AUTS2: variants seen among roughly 807,000 people sequenced by gnomAD.
The protein encoded by AUTS2 is activator of transcription and developmental regulator AUTS2.
In AUTS2, 17 loss-of-function variants were observed where a neutral mutation model predicts 112.4. The observed-to-expected ratio is 0.15, with a 90% CI of 0.10 to 0.23. AUTS2 has a LOEUF of 0.23. Ranked by LOEUF, AUTS2 falls within the 10% of genes least tolerant of loss-of-function variation. The pLI, the probability that AUTS2 is intolerant of heterozygous loss-of-function variation, is 1.00. For synonymous variants in AUTS2, 751 were observed against 702.7 expected, an observed-to-expected ratio of 1.07 and a Z score of -1.09; for missense variants, 1,510 against 1,701.6, an observed-to-expected ratio of 0.89 and a Z score of 1.98.
At chr7:69,846,427 C>T (rs1161476139) in intron 1 of AUTS2, among the ~76,000 whole-genome samples, 4 of 152,166 alleles carry the variant, frequency 2.6e-5, no homozygotes, top group African/African-American at 9.7e-5. Context: ...TTACTTCACT[C>T]CTTTCTTTAA....
intron 1 of AUTS2, among the ~76,000 whole-genome samples, chr7:69,883,170 C>A (rs367775345): frequency 6.6e-6 from 1 of 151,970 alleles, no homozygotes. Flanking sequence ...GTGAAGTGGT[C>A]TATTTTCCTG....
intron 4 of AUTS2, among the ~76,000 whole-genome samples, chr7:70,289,618 G>A (rs1788619040): frequency 6.6e-6 from 1 of 152,198 alleles, no homozygotes. Flanking sequence ...AGGGTTCCAA[G>A]TCTGCTGTTC....
chr7:70,662,189 G>A (rs1446960977), intron 5 of AUTS2, among the ~76,000 whole-genome samples: 1 of 152,246 alleles, frequency 6.6e-6, no homozygotes. Flanking sequence ...CCAGCCCACT[G>A]CAGAATGCCT....
At chr7:69,725,399 G>C (rs1003537765) in intron 1 of AUTS2, among the ~76,000 whole-genome samples, 1 of 152,138 alleles carries the variant, frequency 6.6e-6, no homozygotes, top group African/African-American at 2.4e-5. Flanking sequence ...ATATGTGTTA[G>C]AGATACACAT....
chr7:70,602,237 A>C (rs1414726607), intron 5 of AUTS2, among the ~76,000 whole-genome samples: 1 of 152,146 alleles, frequency 6.6e-6, no homozygotes, highest in East Asian at 1.9e-4. Flanking sequence ...GCTACCTTAG[A>C]CTTATGTCAT....
chr7:70,509,820 G>A (rs1011378181), intron 5 of AUTS2, among the ~76,000 whole-genome samples: 6 of 152,088 alleles, frequency 3.9e-5, no homozygotes, highest in Non-Finnish European at 5.9e-5. Flanking sequence ...ATAGCTTCCC[G>A]AATTGAGCAA....
At chr7:70,553,697 A>AT (rs111723309) in intron 5 of AUTS2, among the ~76,000 whole-genome samples, 190 of 129,104 alleles carry the variant, frequency 1.5e-3, no homozygotes, top group African/African-American at 3.4e-3. Flanking sequence ...TTGCAAGGTG[A>AT]TTTTTTTTTT....
intron 1 of AUTS2, among the ~76,000 whole-genome samples, chr7:69,608,227 C>T (rs534903022): frequency 6.6e-6 from 1 of 152,312 alleles, no homozygotes; most frequent in African/African-American, 2.4e-5. Flanking sequence ...AGGCACTGCA[C>T]CCGGCAAGAA....
intron 2 of AUTS2, among the ~76,000 whole-genome samples, chr7:70,057,063 C>G (rs1295720288): frequency 6.6e-6 from 1 of 152,154 alleles, no homozygotes; most frequent in Non-Finnish European, 1.5e-5. Flanking sequence ...TTTTTTCCAG[C>G]CAGGTCTCAG....
At position 69,883,787 on chromosome 7, in the gene AUTS2, C is replaced by G. The variant is rs148059265; in HGVS notation, c.310-15499C>G. Among the ~76,000 whole-genome samples, 5 of 152,302 alleles carry G rather than the reference C, an allele frequency of 3.3e-5. No individual in the cohort carries two copies. The East Asian group carries it at 9.6e-4, about 29-fold the overall frequency. The stretch of plus-strand genomic sequence containing the variant: ...AGGCCTGGCCTTTATCATTTCAGGT[C>G]CTGCAGAGCTGTTCTCTCTCACTGT... On this transcript the variant is annotated intron_variant, in intron 1 of 18. Transcript: ENST00000342771.
intron 4 of AUTS2, among the ~76,000 whole-genome samples, chr7:70,190,510 CAG>C (rs1393836909): frequency 6.6e-6 from 1 of 152,178 alleles, no homozygotes; most frequent in African/African-American, 2.4e-5. Context: ...CAAATTCTGA[CAG>C]TGGGGGATGC....
In AUTS2 at chr7:69,614,385, T is replaced by C. The variant is rs1387847851; in HGVS notation, c.309+14423T>C. ...CTTTCTTTTTTTAAGAGATGGGATC[T>C]CACTCTGTTTCCCAGGCTGGAGTGC... On this transcript the variant is annotated intron_variant, in intron 1 of 18. Transcript: ENST00000342771. 6.4e-5 allele frequency among the ~76,000 whole-genome samples: 6 copies of C among 93,048 alleles called. 1 individual carries two copies. The highest frequency in any genetic ancestry group is 1.2e-4 in the Non-Finnish European group (5 of 40,260). 61.0% of individuals were successfully genotyped at this position (93,048 alleles called of 152,430 possible).
intron 1 of AUTS2, among the ~76,000 whole-genome samples, chr7:69,821,879 G>T (rs964241960): frequency 7.1e-6 from 1 of 140,976 alleles, no homozygotes; most frequent in African/African-American, 2.7e-5. Context: ...TTGCACCACT[G>T]CACTCCAGCC....
At chr7:70,345,831 G>A (rs1791470658) in intron 4 of AUTS2, among the ~76,000 whole-genome samples, 1 of 152,104 alleles carries the variant, frequency 6.6e-6, no homozygotes, top group Non-Finnish European at 1.5e-5. Flanking sequence ...TTTTGGACTT[G>A]AAATTTACTT....
chr7:69,650,219 G>C (rs1001587458), intron 1 of AUTS2, among the ~76,000 whole-genome samples: 2 of 152,232 alleles, frequency 1.3e-5, no homozygotes, highest in African/African-American at 4.8e-5. Context: ...ACTACCCACA[G>C]ACTGGAGTAT....
At chr7:69,838,902 A>G (rs1178278566) in intron 1 of AUTS2, among the ~76,000 whole-genome samples, 2 of 152,080 alleles carry the variant, frequency 1.3e-5, no homozygotes, top group African/African-American at 4.8e-5. Context: ...ATGATTTTAA[A>G]CCCTGGCTCT....
chr7:69,641,538 T>C (rs1391868703), intron 1 of AUTS2, among the ~76,000 whole-genome samples: 1 of 152,218 alleles, frequency 6.6e-6, no homozygotes, highest in Non-Finnish European at 1.5e-5. Flanking sequence ...TATTCGCTGC[T>C]TTGTTTAGAC....
chr7:70,213,505 C>T (rs1350011371), intron 4 of AUTS2, among the ~76,000 whole-genome samples: 1 of 149,530 alleles, frequency 6.7e-6, no homozygotes, highest in East Asian at 2.0e-4. Flanking sequence ...CACTGCACTC[C>T]AGCCGAGGTG....
At chr7:70,123,158 G>C (rs981828192) in intron 3 of AUTS2, among the ~76,000 whole-genome samples, 1 of 152,138 alleles carries the variant, frequency 6.6e-6, no homozygotes, top group African/African-American at 2.4e-5. Flanking sequence ...TTACAGGCGT[G>C]AGCCACCATG....
Sources: gnomAD v4.1 joint callset for allele counts (sites outside exome capture counted in the v4.1 genomes callset) on GRCh38, gnomAD v4.1.1 for gene constraint, MANE v1.5 for transcripts, NCBI Gene and HGNC (gene_info 2026-07-23, HGNC 2026-07-21) for gene names.